DSCAM: variants seen among roughly 807,000 people sequenced by gnomAD.
DSCAM encodes the protein DS cell adhesion molecule.
A neutral mutation model predicts 217.7 loss-of-function variants in DSCAM; 47 were observed. The observed-to-expected ratio is 0.22, with a 90% CI of 0.17 to 0.28. The LOEUF (loss-of-function observed/expected upper bound fraction) is 0.28. Among genes scored for constraint, DSCAM ranks in the 10% least tolerant of loss-of-function variants. DSCAM has a pLI of 1.00. For missense variants in DSCAM, 2,080 were observed against 2,618.3 expected (o/e 0.79, Z 4.49); for synonymous variants, 1,056 against 1,015.3 (o/e 1.04, Z -0.76).
chr21:40,562,871 A>G (rs890235885), intron 3 of DSCAM, among the ~76,000 whole-genome samples: 2 of 152,226 alleles, frequency 1.3e-5, no homozygotes, highest in Non-Finnish European at 2.9e-5. Flanking sequence ...AGAGACAGAA[A>G]GGGCAGCAAT....
intron 1 of DSCAM, among the ~76,000 whole-genome samples, chr21:40,806,209 C>T (rs1237173498): frequency 6.6e-6 from 1 of 152,212 alleles, no homozygotes; most frequent in Admixed American, 6.5e-5. Flanking sequence ...TAAGTCCCCA[C>T]TGTGGCCTTC....
In DSCAM at chr21:40,347,813, G is replaced by C; in HGVS notation, c.1067C>G (p.Pro356Arg). Residue 356 changes from proline to arginine, a missense_variant, in exon 6 of 33, where the codon CCT becomes CGT. Pro to Arg is a moderately radical substitution (Grantham distance 103). This residue lies in a region of DSCAM where 568 missense variants were observed against 678.1 expected (regional missense o/e 0.84). Coordinates refer to ENST00000400454, the MANE Select transcript of DSCAM (RefSeq NM_001389.5). Reference protein sequence around the residue: ...SWYRNGEILNPGKNVRITGIN... With the variant: ...SWYRNGEILNRGKNVRITGIN... ...CCCTGTGATCCTCACATTTTTTCCA[G>C]GGTTGAGGATTTCACCATTGCGGTA... 6.2e-7 allele frequency: 1 copy of C among 1,614,136 alleles called. No homozygotes were observed. The highest frequency in any genetic ancestry group is 8.5e-7 in the Non-Finnish European group (1 of 1,180,012).
At position 40,046,783 on chromosome 21, in the gene DSCAM, G is replaced by C. The variant is rs552898119; in HGVS notation, c.5186-2508C>G. Among the ~76,000 whole-genome samples the C allele has an allele frequency of 6.5e-4, 98 of 151,872 alleles. 3 individuals are homozygous for C. The South Asian group carries it at 0.02, about 30-fold the overall frequency. Reference sequence around the variant, plus strand: ...TGGCATGGAAGTTGGGGGGTGGTTGGGGGGTATAGTTTGCTAGTCCCACTT... The same window carrying C: ...TGGCATGGAAGTTGGGGGGTGGTTGCGGGGTATAGTTTGCTAGTCCCACTT... On this transcript the variant is annotated intron_variant, in intron 30 of 32. Coordinates refer to ENST00000400454, the MANE Select transcript of DSCAM (RefSeq NM_001389.5).
intron 3 of DSCAM, among the ~76,000 whole-genome samples, chr21:40,454,819 C>T (rs936305008): frequency 2.0e-5 from 3 of 152,160 alleles, no homozygotes; most frequent in African/African-American, 7.2e-5. Context: ...ATGGGTACCT[C>T]TCCTTTCGAG....
chr21:40,469,427 A>G (rs999438159), intron 3 of DSCAM, among the ~76,000 whole-genome samples: 1 of 152,184 alleles, frequency 6.6e-6, no homozygotes. Flanking sequence ...GGAGGCTGGT[A>G]GAGGGGCTCC....
At chr21:40,688,787 A>G (rs536673556) in intron 3 of DSCAM, among the ~76,000 whole-genome samples, 7 of 152,362 alleles carry the variant, frequency 4.6e-5, no homozygotes, top group African/African-American at 1.4e-4. Context: ...GAAAAGCAAC[A>G]TCAGATATTA....
At chr21:40,369,372 G>A in intron 3 of DSCAM, 127 bp from the exon 4 acceptor site, 1 of 821,790 alleles carries the variant, frequency 1.2e-6, no homozygotes, top group Non-Finnish European at 1.8e-6. Context: ...CTAAAAATGG[G>A]TGCGTGCGTC....
chr21:40,018,322 A>G (rs1242624952), intron 32 of DSCAM, among the ~76,000 whole-genome samples: 1 of 152,082 alleles, frequency 6.6e-6, no homozygotes, highest in Non-Finnish European at 1.5e-5. Context: ...TGATAAACAA[A>G]TTGTTAATTT....
At chr21:40,678,898 T>G (rs921151951) in intron 3 of DSCAM, among the ~76,000 whole-genome samples, 1 of 152,216 alleles carries the variant, frequency 6.6e-6, no homozygotes, top group African/African-American at 2.4e-5. Context: ...CGCCTTGACT[T>G]GCACTGTCCT....
At chr21:40,033,160 G>T (rs990815402) in intron 32 of DSCAM, among the ~76,000 whole-genome samples, 4 of 152,098 alleles carry the variant, frequency 2.6e-5, no homozygotes, top group East Asian at 1.9e-4. Flanking sequence ...TATTGTGCCT[G>T]GGGGGGAGGA....
chr21:40,447,776 A>T (rs1240911799), intron 3 of DSCAM, among the ~76,000 whole-genome samples: 1 of 152,210 alleles, frequency 6.6e-6, no homozygotes, highest in Non-Finnish European at 1.5e-5. Flanking sequence ...TTTTCTCCTA[A>T]ATCAGACAGC....
At chr21:40,068,999 C>T (rs181471159) in intron 27 of DSCAM, among the ~76,000 whole-genome samples, 50 of 151,360 alleles carry the variant, frequency 3.3e-4, no homozygotes, top group African/African-American at 1.2e-3. Context: ...GCAGGAGAGT[C>T]GCTTGAACCC....
chr21:40,156,899 T>C (rs2090484344), intron 16 of DSCAM, among the ~76,000 whole-genome samples: 1 of 152,160 alleles, frequency 6.6e-6, no homozygotes, highest in Non-Finnish European at 1.5e-5. Flanking sequence ...GCATATATCA[T>C]ATATGGCGGG....
intron 3 of DSCAM, among the ~76,000 whole-genome samples, chr21:40,572,327 AT>A (rs2076814691): frequency 6.6e-6 from 1 of 152,218 alleles, no homozygotes; most frequent in African/African-American, 2.4e-5. Flanking sequence ...CTCCTAAAAA[AT>A]AACACAAAGT....
chr21:40,743,530 C>A (rs1601200648), intron 1 of DSCAM, among the ~76,000 whole-genome samples: 1 of 152,044 alleles, frequency 6.6e-6, no homozygotes, highest in Non-Finnish European at 1.5e-5. Flanking sequence ...GGTTAACCTG[C>A]TAGAGATGTC....
At chr21:40,833,360 G>A (rs1409614852) in intron 1 of DSCAM, among the ~76,000 whole-genome samples, 1 of 152,204 alleles carries the variant, frequency 6.6e-6, no homozygotes, top group African/African-American at 2.4e-5. Context: ...AGAATTTGCA[G>A]TGCTTTGAAA....
At chr21:40,782,282 C>T (rs931418190) in intron 1 of DSCAM, among the ~76,000 whole-genome samples, 1 of 152,216 alleles carries the variant, frequency 6.6e-6, no homozygotes, top group Non-Finnish European at 1.5e-5. Context: ...TATTTCCTAA[C>T]CAACTGACCA....
chr21:40,063,627 T>C (rs2089159287), intron 27 of DSCAM, among the ~76,000 whole-genome samples: 1 of 152,242 alleles, frequency 6.6e-6, no homozygotes, highest in African/African-American at 2.4e-5. Context: ...TTTTTGTTTT[T>C]ATTTCATTGC....
At chr21:40,759,399 A>G (rs1421883195) in intron 1 of DSCAM, among the ~76,000 whole-genome samples, 1 of 152,112 alleles carries the variant, frequency 6.6e-6, no homozygotes, top group Non-Finnish European at 1.5e-5. Flanking sequence ...GAATCTTTTC[A>G]GGCTGGATTA....
Sources: gnomAD v4.1 joint callset for allele counts (sites outside exome capture counted in the v4.1 genomes callset) on GRCh38, gnomAD v4.1.1 for gene constraint, gnomAD v4.1.1 regional missense constraint, MANE v1.5 for transcripts, NCBI Gene and HGNC (gene_info 2026-07-23, HGNC 2026-07-21) for gene names.